The following RCAN2 variants were observed in gnomAD, a reference collection of about 807,000 sequenced individuals.
RCAN2 encodes regulator of calcineurin 2, also known as calcipressin-2.
In RCAN2, 9 loss-of-function variants were observed where a neutral mutation model predicts 23.6. The observed-to-expected ratio is 0.38, with a 90% CI of 0.23 to 0.67. RCAN2 has a LOEUF of 0.67. RCAN2 is among the 30% of genes least tolerant of loss of function. The probability of loss-of-function intolerance (pLI) is 0.51; values close to 1 mark genes in which losing one functional copy is unlikely to be tolerated. For synonymous variants in RCAN2, 109 were observed against 115.7 expected, an observed-to-expected ratio of 0.94 and a Z score of 0.37; for missense variants, 273 against 302.3, an observed-to-expected ratio of 0.90 and a Z score of 0.72.
intron 2 of RCAN2, among the ~76,000 whole-genome samples, chr6:46,423,715 TTAGA>T (rs1766954619): frequency 6.6e-6 from 1 of 152,246 alleles, no homozygotes; most frequent in African/African-American, 2.4e-5. Flanking sequence ...TCCTATTGTC[TTAGA>T]TAGTTACAAT....
chr6:46,353,139 C>G (rs1764712543), intron 2 of RCAN2, among the ~76,000 whole-genome samples: 1 of 152,064 alleles, frequency 6.6e-6, no homozygotes, highest in Non-Finnish European at 1.5e-5. Context: ...TAAGCTCCTC[C>G]CTGGGTGGGT....
chr6:46,491,636 C>T (rs923019833), upstream of RCAN2, among the ~76,000 whole-genome samples: 1 of 152,064 alleles, frequency 6.6e-6, no homozygotes, highest in Non-Finnish European at 1.5e-5. Context: ...CTCCGGGGCT[C>T]TCACCCTGCC....
intron 2 of RCAN2, among the ~76,000 whole-genome samples, chr6:46,430,806 A>G (rs183910339): frequency 4.6e-5 from 7 of 152,344 alleles, no homozygotes; most frequent in Admixed American, 6.5e-5. Context: ...AAAATAGGAA[A>G]CAACAGACAG....
chr6:46,231,688 G>A (rs191539160), intron 4 of RCAN2, among the ~76,000 whole-genome samples: 4 of 152,252 alleles, frequency 2.6e-5, no homozygotes, highest in Admixed American at 1.3e-4. Flanking sequence ...GGGATTACAG[G>A]TGTGAGCCAC....
intron 4 of RCAN2, among the ~76,000 whole-genome samples, chr6:46,242,643 C>T (rs2150314798): frequency 6.6e-6 from 1 of 152,320 alleles, no homozygotes; most frequent in East Asian, 1.9e-4. Context: ...GGTAGTCATT[C>T]TTTAACATGC....
chr6:46,388,119 G>T (rs541038559), intron 2 of RCAN2, among the ~76,000 whole-genome samples: 76 of 152,114 alleles, frequency 5.0e-4, no homozygotes, highest in Non-Finnish European at 5.9e-4. Flanking sequence ...GGGGGTAGGG[G>T]GGAGGGAAAG....
chr6:46,491,022 C>A (rs192003850), intron 1 of RCAN2, among the ~76,000 whole-genome samples, 151 bp downstream of exon 1: 2 of 55,218 alleles, frequency 3.6e-5, no homozygotes, highest in African/African-American at 6.5e-5. Context: ...CGCCACCGCC[C>A]CCGCCCCCGC....
In RCAN2 at chr6:46,292,431, T is replaced by G. The variant is rs1378924453; in HGVS notation, c.226-43535A>C. 2.3e-3 allele frequency among the ~76,000 whole-genome samples: 339 copies of G among 144,828 alleles called. 7 individuals are homozygous for G. Among genetic ancestry groups the G allele is most frequent in the Non-Finnish European group, 3.9e-3 (262 of 66,590 alleles). The stretch of plus-strand genomic sequence containing the variant: ...TTCTTGGGAGTTGATTTGTTGTTTT[T>G]TTTTTTGTTTTTTTTTTTGGTGGGG... On this transcript the variant is annotated intron_variant, in intron 2 of 4. Coordinates refer to ENST00000371374, the MANE Select transcript of RCAN2 (RefSeq NM_001251974.2).
At chr6:46,431,587 G>A (rs1767208426) in intron 2 of RCAN2, among the ~76,000 whole-genome samples, 1 of 152,168 alleles carries the variant, frequency 6.6e-6, no homozygotes, top group South Asian at 2.1e-4. Flanking sequence ...TTTGTTCCTA[G>A]AGATGCTCCA....
In RCAN2 at chr6:46,223,085, AGG is replaced by A; in HGVS notation, c.*54_*55del. On this transcript the variant is annotated 3_prime_UTR_variant, in exon 5 of 5. Coordinates refer to ENST00000371374, the MANE Select transcript of RCAN2 (RefSeq NM_001251974.2). ...AAGGCAATTTTTTTTGACAAACAAC[AGG>A]GGGAAAAAGCATGATAAAGAGGAGA... The A allele has an allele frequency of 6.3e-7, 1 of 1,579,450 alleles. No homozygotes were observed. Among genetic ancestry groups the A allele is most frequent in the Non-Finnish European group, 8.6e-7 (1 of 1,161,722 alleles).
At chr6:46,451,844 T>C (rs1042897242) in intron 2 of RCAN2, among the ~76,000 whole-genome samples, 1 of 152,200 alleles carries the variant, frequency 6.6e-6, no homozygotes, top group Non-Finnish European at 1.5e-5. Context: ...TTTCACCACA[T>C]GCCCATTCTA....
chr6:46,460,602 T>G (rs1768178098), intron 1 of RCAN2, among the ~76,000 whole-genome samples: 2 of 152,324 alleles, frequency 1.3e-5, no homozygotes, highest in African/African-American at 4.8e-5. Flanking sequence ...CACAGCCTTT[T>G]CTCATAAAAT....
At chr6:46,224,827 T>G (rs925316076) in intron 4 of RCAN2, among the ~76,000 whole-genome samples, 2 of 151,978 alleles carry the variant, frequency 1.3e-5, no homozygotes, top group South Asian at 4.2e-4. Context: ...CTAGGGTACA[T>G]GTGCACAATG....
chr6:46,383,838 G>T (rs1765672468), intron 2 of RCAN2, among the ~76,000 whole-genome samples: 1 of 152,050 alleles, frequency 6.6e-6, no homozygotes, highest in African/African-American at 2.4e-5. Context: ...AAGTATTATT[G>T]AATTCAATTT....
chr6:46,268,348 C>T (rs562150146), intron 2 of RCAN2, among the ~76,000 whole-genome samples: 8 of 152,162 alleles, frequency 5.3e-5, no homozygotes, highest in Non-Finnish European at 7.3e-5. Context: ...GTTATTATAG[C>T]AAATGTGTTC....
chr6:46,457,059 CA>C (rs1561913563), intron 1 of RCAN2, 81 bp from the exon 2 acceptor site: 2 of 929,334 alleles, frequency 2.2e-6, no homozygotes, highest in African/African-American at 1.6e-5. Flanking sequence ...TTTGTATTGT[CA>C]GGGGCAGAAC....
chr6:46,425,797 T>C (rs1197954926), intron 2 of RCAN2, among the ~76,000 whole-genome samples: 2 of 152,064 alleles, frequency 1.3e-5, no homozygotes, highest in Non-Finnish European at 2.9e-5. Flanking sequence ...AATTAACTTC[T>C]CAATTACAAT....
At chr6:46,224,182 C>A (rs184783749) in intron 4 of RCAN2, among the ~76,000 whole-genome samples, 1 of 152,168 alleles carries the variant, frequency 6.6e-6, no homozygotes, top group South Asian at 2.1e-4. Context: ...AAAAGACAAG[C>A]GGAAGGACTC....
chr6:46,303,924 C>T (rs1034300664), intron 2 of RCAN2, among the ~76,000 whole-genome samples: 5 of 152,022 alleles, frequency 3.3e-5, no homozygotes, highest in Non-Finnish European at 7.4e-5. Context: ...CATCCTTGTC[C>T]ATGTCTTCTG....
Sources: allele counts gnomAD v4.1 joint callset (sites outside exome capture counted in the v4.1 genomes callset), GRCh38; gene constraint gnomAD v4.1.1; transcripts MANE v1.5; gene names NCBI Gene and HGNC (gene_info 2026-07-23, HGNC 2026-07-21).